NFE2L3: variants seen among roughly 807,000 people sequenced by gnomAD.
NFE2L3 encodes the protein NFE2 like bZIP transcription factor 3.
Under a neutral mutation model 23.5 loss-of-function variants are expected in NFE2L3, and 18 were observed. The observed-to-expected ratio is 0.77, with a 90% CI of 0.53 to 1.13. The LOEUF is 1.13. Among genes scored for constraint, NFE2L3 ranks in the 50% most tolerant of loss-of-function variants. The probability of loss-of-function intolerance (pLI) is 0.00; values close to 1 mark genes in which losing one functional copy is unlikely to be tolerated. For synonymous variants in NFE2L3, 424 were observed against 354.5 expected (o/e 1.20, Z -2.20); for missense variants, 1,152 against 877.2 (o/e 1.31, Z -3.96).
At chr7:26,159,744 A>G (rs924119706) in intron 1 of NFE2L3, among the ~76,000 whole-genome samples, 4 of 152,174 alleles carry the variant, frequency 2.6e-5, no homozygotes, top group Admixed American at 6.6e-5. Context: ...GGCTAGCATT[A>G]TAATTAATCA....
At position 26,185,090 on chromosome 7, in the gene NFE2L3, T is replaced by C. The variant is rs773023282; in HGVS notation, c.1392T>C (p.Ala464=). Residue 464 remains alanine, a synonymous_variant, in exon 4 of 4, where the codon GCT becomes GCC. Coordinates refer to ENST00000056233, the MANE Select transcript of NFE2L3 (RefSeq NM_004289.7). ...GTTCCCATCATGACTTAGAAGGTGC[T>C]GTAGGTGGCTACTACCCAGAACCCA... is the stretch of plus-strand genomic sequence containing the variant. ...ESSSHHDLEG[A]VGGYYPEPSK... is the part of the protein sequence containing the mutation. 1.7e-5 allele frequency: 27 copies of C among 1,613,922 alleles called. No homozygotes were observed. In the South Asian group the frequency reaches 2.2e-4, roughly 13 times the overall value.
In NFE2L3 at chr7:26,177,957, A is replaced by AAG. The variant is rs1288562664; in HGVS notation, c.589_590dup (p.His199SerfsTer36). 6.2e-7 allele frequency: 1 copy of AAG among 1,612,580 alleles called. No individual in the cohort carries two copies. The highest frequency in any genetic ancestry group is 8.5e-7 in the Non-Finnish European group (1 of 1,179,558). On this transcript the variant is annotated frameshift_variant, in exon 2 of 4. Transcript: ENST00000056233. LOFTEE classifies it high-confidence loss of function. ...TACTTTTATAGGAGAATGGGGTACTAAGAGAAAAGCACGAAGCTGTGGATC... is the reference window on the plus strand; with the variant it reads ...TACTTTTATAGGAGAATGGGGTACTAAGAGAGAAAAGCACGAAGCTGTGGATC...
intron 1 of NFE2L3, among the ~76,000 whole-genome samples, chr7:26,163,569 A>G (rs1234495998): frequency 6.6e-6 from 1 of 151,608 alleles, no homozygotes; most frequent in Non-Finnish European, 1.5e-5. Flanking sequence ...CTGGTCTTGA[A>G]CTCCTGACCT....
intron 2 of NFE2L3, among the ~76,000 whole-genome samples, chr7:26,180,470 A>G (rs1185048943): frequency 1.3e-5 from 2 of 152,208 alleles, no homozygotes; most frequent in African/African-American, 4.8e-5. Flanking sequence ...TACATACTGT[A>G]TTGTCAAATC....
chr7:26,172,692 CA>C (rs1198039661), intron 1 of NFE2L3, among the ~76,000 whole-genome samples: 1 of 152,120 alleles, frequency 6.6e-6, no homozygotes, highest in Non-Finnish European at 1.5e-5. Context: ...GATGTTTCCT[CA>C]ATGATTAGAT....
At chr7:26,183,812 G>C in intron 3 of NFE2L3, 28 bp downstream of exon 3, 1 of 1,451,286 alleles carries the variant, frequency 6.9e-7, no homozygotes, top group Non-Finnish European at 9.7e-7. Context: ...TTTTATCCTC[G>C]CAGGAACATA....
chr7:26,186,303 C>G lies in NFE2L3; in HGVS notation c.*520C>G, dbSNP rs946296844. On this transcript the variant is annotated 3_prime_UTR_variant, in exon 4 of 4. Transcript: ENST00000056233. Reference sequence around the variant, plus strand: ...GTATTTGTATTAAAAATTAACTTTTCCCTTTTATACAGAATCTGAACCAAA... The same window carrying G: ...GTATTTGTATTAAAAATTAACTTTTGCCTTTTATACAGAATCTGAACCAAA... 1 of 152,132 alleles carries G rather than the reference C, an allele frequency of 6.6e-6. No homozygotes were observed. Among genetic ancestry groups the G allele is most frequent in the African/African-American group, 2.4e-5 (1 of 41,400 alleles). The allele number at this position is 152,132 out of a possible 1,614,324, so 9.4% of individuals were successfully genotyped here.
At chr7:26,179,711 A>G (rs1784473676) in intron 2 of NFE2L3, among the ~76,000 whole-genome samples, 1 of 152,128 alleles carries the variant, frequency 6.6e-6, no homozygotes, top group Non-Finnish European at 1.5e-5. Context: ...GTCTCAAAAA[A>G]GAAAAATCCA....
intron 1 of NFE2L3, among the ~76,000 whole-genome samples, chr7:26,153,785 A>G (rs1446183106): frequency 2.0e-5 from 3 of 152,218 alleles, no homozygotes; most frequent in South Asian, 2.1e-4. Context: ...TCTGAAACCA[A>G]GTTTACCAAG....
Position 26,152,726 on chromosome 7 carries a change from CA to C in NFE2L3, c.230del (p.Lys77ArgfsTer119). ...GWGRAGHLHPKGRELDPAAPP... is the reference protein window; with the variant it reads ...GWGRAGHLHPXGRELDPAAPP... ...GGGGGCGCGCGGGCCACTTGCACCCCAAGGGCCGGGAGCTGGACCCTGCCGC... is the reference window on the plus strand; with the variant it reads ...GGGGGCGCGCGGGCCACTTGCACCCCAGGGCCGGGAGCTGGACCCTGCCGC... On this transcript the variant is annotated frameshift_variant, in exon 1 of 4. Coordinates refer to ENST00000056233, the MANE Select transcript of NFE2L3 (RefSeq NM_004289.7). LOFTEE classifies it high-confidence loss of function. This position sits in a 1 kb window ranked among gnomAD's most constrained non-coding sequence, Gnocchi z 4.4. 6.8e-7 allele frequency: 1 copy of C among 1,473,934 alleles called. No homozygotes were observed. The highest frequency in any genetic ancestry group is 8.9e-7 in the Non-Finnish European group (1 of 1,119,754). 91.3% of individuals were successfully genotyped at this position (1,473,934 alleles called of 1,614,324 possible). A position where few individuals can be genotyped will look rare whatever the true frequency, so the allele number is the denominator to read the frequency against.
intron 1 of NFE2L3, among the ~76,000 whole-genome samples, chr7:26,160,581 C>G (rs1468317128): frequency 6.6e-6 from 1 of 152,204 alleles, no homozygotes; most frequent in East Asian, 1.9e-4. Flanking sequence ...CTGGAAGCTC[C>G]GCAGGAGCTG....
intron 1 of NFE2L3, among the ~76,000 whole-genome samples, chr7:26,156,556 A>G (rs1268893995): frequency 6.6e-6 from 1 of 152,222 alleles, no homozygotes; most frequent in East Asian, 1.9e-4. Flanking sequence ...TTCCCTTCAT[A>G]ACCACAGTCA....
chr7:26,158,320 T>C (rs1177523481), intron 1 of NFE2L3, among the ~76,000 whole-genome samples: 1 of 152,198 alleles, frequency 6.6e-6, no homozygotes, highest in Admixed American at 6.5e-5. Flanking sequence ...TTCCTTCCTA[T>C]CTTAACTTAC....
chr7:26,186,997 GA>G lies in NFE2L3; in HGVS notation c.*1216del, dbSNP rs1429670355. ...CTTAATATGTCCAAATTTTCAAAAT[GA>G]AGTTTCTCAGATATTATTTCTGCCA... On this transcript the variant is annotated 3_prime_UTR_variant, in exon 4 of 4. Transcript: ENST00000056233. 2 of 152,112 alleles carry G rather than the reference GA, an allele frequency of 1.3e-5. No individual in the cohort carries two copies. Among genetic ancestry groups the G allele is most frequent in the Admixed American group, 1.3e-4 (2 of 15,278 alleles). 9.4% of individuals were successfully genotyped at this position (152,112 alleles called of 1,614,324 possible). A position where few individuals can be genotyped will look rare whatever the true frequency, so the allele number is the denominator to read the frequency against.
chr7:26,173,914 T>G (rs114595726), intron 1 of NFE2L3: 168 of 152,236 alleles, frequency 1.1e-3, no homozygotes, highest in African/African-American at 3.8e-3. Context: ...CTAAATGCTA[T>G]GGAGAAAAAA....
At chr7:26,182,163 TAAG>T (rs1462470254) in intron 2 of NFE2L3, among the ~76,000 whole-genome samples, 4 of 151,894 alleles carry the variant, frequency 2.6e-5, no homozygotes, top group Non-Finnish European at 5.9e-5. Context: ...CGTCAAGAAC[TAAG>T]AAGAAACATT....
chr7:26,164,798 A>G (rs570626507), intron 1 of NFE2L3, among the ~76,000 whole-genome samples: 62 of 152,300 alleles, frequency 4.1e-4, no homozygotes, highest in African/African-American at 1.4e-3. Context: ...TAGGTCTAAC[A>G]TTTAAGTCTT....
chr7:26,171,605 A>G (rs1784328911), intron 1 of NFE2L3, among the ~76,000 whole-genome samples: 1 of 152,094 alleles, frequency 6.6e-6, no homozygotes, highest in African/African-American at 2.4e-5. Context: ...AAATGAGTAT[A>G]CCATTCGGAT....
chr7:26,182,362 G>A (rs1784532614), intron 2 of NFE2L3, among the ~76,000 whole-genome samples: 2 of 149,610 alleles, frequency 1.3e-5, no homozygotes, highest in Admixed American at 6.6e-5. Flanking sequence ...GGTGTCTCAT[G>A]CCTGTAATCC....
Sources: allele counts gnomAD v4.1 joint callset (sites outside exome capture counted in the v4.1 genomes callset), GRCh38; gene constraint gnomAD v4.1.1; non-coding constraint Gnocchi (gnomAD v3.1); transcripts MANE v1.5; gene names NCBI Gene and HGNC (gene_info 2026-07-23, HGNC 2026-07-21).